VIRMA: variants seen among roughly 807,000 people sequenced by gnomAD.
VIRMA encodes protein virilizer homolog.
In VIRMA, 65 loss-of-function variants were observed where a neutral mutation model predicts 182.4. That is an observed-to-expected ratio of 0.36 (90% confidence interval 0.29 to 0.44). VIRMA has a LOEUF of 0.44. VIRMA is among the 20% of genes least tolerant of loss of function. The pLI is 1.00. For missense variants in VIRMA, 1,752 were observed against 2,158.1 expected, an observed-to-expected ratio of 0.81 and a Z score of 3.73; for synonymous variants, 709 against 743.1, an observed-to-expected ratio of 0.95 and a Z score of 0.75.
intron 1 of VIRMA, 138 bp downstream of exon 1, chr8:94,553,247 G>A (rs1167807929): frequency 1.2e-6 from 1 of 847,134 alleles, no homozygotes; most frequent in Non-Finnish European, 2.0e-6. Flanking sequence ...TGCTCACACA[G>A]CTCGGGGGAG....
chr8:94,514,125 G>A lies in VIRMA; in HGVS notation c.2751+744C>T, dbSNP rs150778783. Among the ~76,000 whole-genome samples, 263 of 151,994 alleles carry A rather than the reference G, an allele frequency of 1.7e-3. 2 individuals are homozygous for A. Among genetic ancestry groups the A allele is most frequent in the African/African-American group, 6.2e-3 (256 of 41,296 alleles). On this transcript the variant is annotated intron_variant, in intron 11 of 23. Transcript: ENST00000297591. ...CACGCAAACACACGTGCATGCATGC[G>A]TGTGCGCACACACTCACGCACAGAT...
intron 20 of VIRMA, among the ~76,000 whole-genome samples, chr8:94,493,255 C>T (rs1221647349): frequency 6.6e-6 from 1 of 152,108 alleles, no homozygotes; most frequent in Non-Finnish European, 1.5e-5. Context: ...ATGAGGTTCC[C>T]ATCTAAGTTT....
intron 1 of VIRMA, among the ~76,000 whole-genome samples, chr8:94,548,316 A>C (rs1490665722): frequency 6.6e-6 from 1 of 151,194 alleles, no homozygotes; most frequent in Admixed American, 6.6e-5. Context: ...TAGGTGAAAA[A>C]CGAAACCACA....
intron 16 of VIRMA, among the ~76,000 whole-genome samples, chr8:94,505,367 A>C (rs1814117914): frequency 6.7e-6 from 1 of 148,792 alleles, no homozygotes; most frequent in South Asian, 2.2e-4. Flanking sequence ...CTAGCCAGGT[A>C]TCTTCCCTCT....
intron 7 of VIRMA, among the ~76,000 whole-genome samples, chr8:94,527,791 T>C (rs1815026388): frequency 6.6e-6 from 1 of 152,228 alleles, no homozygotes; most frequent in Admixed American, 6.5e-5. Context: ...AAGTAAGAAC[T>C]AATATCATCA....
chr8:94,536,494 T>C (rs185271003), intron 4 of VIRMA, among the ~76,000 whole-genome samples: 1 of 152,334 alleles, frequency 6.6e-6, no homozygotes, highest in Admixed American at 6.5e-5. Flanking sequence ...TAAGGCACAG[T>C]AGTGTCTAAT....
chr8:94,488,978 C>T (rs1586056439), intron 23 of VIRMA, 118 bp from the exon 24 acceptor site: 10 of 1,100,138 alleles, frequency 9.1e-6, no homozygotes, highest in African/African-American at 6.3e-5. Context: ...TTAAAGCTCA[C>T]GTGCAAGCAC....
intron 2 of VIRMA, among the ~76,000 whole-genome samples, chr8:94,542,091 A>G (rs1048526459): frequency 6.6e-6 from 1 of 152,148 alleles, no homozygotes; most frequent in African/African-American, 2.4e-5. Context: ...GATGACCCCA[A>G]TGACACTTGC....
At chr8:94,493,124 A>G (rs554212661) in intron 20 of VIRMA, among the ~76,000 whole-genome samples, 1 of 152,324 alleles carries the variant, frequency 6.6e-6, no homozygotes, top group East Asian at 1.9e-4. Context: ...ACACTGTAAT[A>G]TCTCCTGAAC....
At chr8:94,492,243 G>C (rs1033414247) in intron 21 of VIRMA, among the ~76,000 whole-genome samples, 1 of 150,738 alleles carries the variant, frequency 6.6e-6, no homozygotes, top group African/African-American at 2.4e-5. Context: ...TTCATGATTC[G>C]AATGCTATGT....
At chr8:94,544,618 G>A (rs1441523119) in intron 1 of VIRMA, among the ~76,000 whole-genome samples, 8 of 144,638 alleles carry the variant, frequency 5.5e-5, no homozygotes, top group Non-Finnish European at 9.0e-5. Context: ...CTGAGATCGC[G>A]CCACTGCACT....
Position 94,534,951 on chromosome 8 carries a change from T to C in VIRMA, c.372A>G (p.Ile124Met), listed in dbSNP as rs749378017. 1 of 1,613,970 alleles carries C rather than the reference T, an allele frequency of 6.2e-7. No individual in the cohort carries two copies. Among genetic ancestry groups the C allele is most frequent in the South Asian group, 1.1e-5 (1 of 91,042 alleles). The change falls in exon 5 of 24, where the codon ATA becomes ATG. Residue 124 changes from isoleucine to methionine, a missense_variant. By Grantham distance (10) the Ile-to-Met change is conservative (BLOSUM62 1). This residue lies in a region of VIRMA where 195 missense variants were observed against 191.7 expected (regional missense o/e 1.02). Transcript: ENST00000297591. ...RGWYNCLTLA[I>M]YGSVDRVISH... ...TTATCACTCTATCCACTGATCCATA[T>C]ATTGCCAGTGTCAGACAGTTATACC...
intron 2 of VIRMA, among the ~76,000 whole-genome samples, chr8:94,540,441 T>G (rs1753249300): frequency 6.6e-6 from 1 of 150,842 alleles, no homozygotes; most frequent in Non-Finnish European, 1.5e-5. Context: ...CTCTTGCCCT[T>G]CTTTACTTTT....
intron 1 of VIRMA, among the ~76,000 whole-genome samples, chr8:94,551,615 C>G (rs563874830): frequency 2.1e-4 from 32 of 152,280 alleles, no homozygotes; most frequent in African/African-American, 5.3e-4. Context: ...CAATGTTTAC[C>G]TAAGAATGAA....
intron 5 of VIRMA, chr8:94,534,066 G>A (rs900797169): frequency 1.3e-5 from 2 of 152,188 alleles, no homozygotes; most frequent in African/African-American, 4.8e-5. Context: ...CTGGAGTGAG[G>A]AGAAGAGATT....
chr8:94,507,727 C>A (rs575194153), intron 15 of VIRMA, among the ~76,000 whole-genome samples: 1 of 151,960 alleles, frequency 6.6e-6, no homozygotes, highest in South Asian at 2.1e-4. Flanking sequence ...GCACTCCAGT[C>A]TGGGCAACAG....
chr8:94,551,125 G>A (rs1037023780), intron 1 of VIRMA, among the ~76,000 whole-genome samples: 4 of 152,198 alleles, frequency 2.6e-5, no homozygotes, highest in Non-Finnish European at 5.9e-5. Context: ...CCTAACAGAC[G>A]ACTGACTACC....
chr8:94,501,964 T>C (rs980840923), intron 16 of VIRMA, among the ~76,000 whole-genome samples: 2 of 152,224 alleles, frequency 1.3e-5, no homozygotes, highest in African/African-American at 2.4e-5. Context: ...AAGGTATAGT[T>C]CAAATCTATT....
intron 2 of VIRMA, among the ~76,000 whole-genome samples, chr8:94,538,816 G>A (rs1184607832): frequency 4.6e-5 from 7 of 152,134 alleles, no homozygotes; most frequent in South Asian, 2.1e-4. Context: ...GTTTCGCTAT[G>A]TTAGCCAGGC....
Sources: gnomAD v4.1 joint callset for allele counts (sites outside exome capture counted in the v4.1 genomes callset) on GRCh38, gnomAD v4.1.1 for gene constraint, gnomAD v4.1.1 regional missense constraint, MANE v1.5 for transcripts, NCBI Gene and HGNC (gene_info 2026-07-23, HGNC 2026-07-21) for gene names.